MAGI2: variants seen among roughly 807,000 people sequenced by gnomAD.
MAGI2 encodes membrane-associated guanylate kinase, WW and PDZ domain-containing protein 2.
A neutral mutation model predicts 133.3 loss-of-function variants in MAGI2; 35 were observed. The ratio of observed to expected loss-of-function variants is 0.26; its 90% CI spans 0.20 to 0.35. The LOEUF is 0.35. Ranked by LOEUF, MAGI2 falls within the 10% of genes least tolerant of loss-of-function variation. The pLI is 1.00. For missense variants in MAGI2, 1,636 were observed against 1,863.4 expected (o/e 0.88, Z 2.25); for synonymous variants, 729 against 710.6 (o/e 1.03, Z -0.41).
intron 20 of MAGI2, among the ~76,000 whole-genome samples, chr7:78,085,545 A>G (rs1183737326): frequency 2.1e-5 from 2 of 94,022 alleles, no homozygotes; most frequent in East Asian, 3.7e-4. Flanking sequence ...AAAATAATAA[A>G]ACTCCCACAC....
intron 2 of MAGI2, chr7:78,902,600 T>G (rs770524282): frequency 7.2e-5 from 11 of 152,314 alleles, no homozygotes; most frequent in Non-Finnish European, 8.8e-5. Flanking sequence ...ACAATTCATA[T>G]CCACATGAGA....
intron 1 of MAGI2, among the ~76,000 whole-genome samples, chr7:79,071,113 C>A (rs1241983096): frequency 6.6e-6 from 1 of 152,136 alleles, no homozygotes; most frequent in Admixed American, 6.6e-5. Context: ...TGTTGGTGAC[C>A]TTTGGATGGG....
chr7:78,909,580 G>A (rs908004200), intron 2 of MAGI2, among the ~76,000 whole-genome samples: 2 of 142,036 alleles, frequency 1.4e-5, no homozygotes, highest in African/African-American at 5.3e-5. Flanking sequence ...TCCAGCCTGG[G>A]CTACAGAGTG....
intron 6 of MAGI2, among the ~76,000 whole-genome samples, chr7:78,393,810 T>A (rs1363037120): frequency 6.6e-6 from 1 of 152,134 alleles, no homozygotes; most frequent in African/African-American, 2.4e-5. Flanking sequence ...AAACAAAATA[T>A]TTGCAAGTAT....
intron 2 of MAGI2, among the ~76,000 whole-genome samples, chr7:78,988,516 A>T (rs571003524): frequency 6.6e-6 from 1 of 152,226 alleles, no homozygotes; most frequent in East Asian, 1.9e-4. Context: ...ATCTGAAAAC[A>T]TGCTCACTCT....
At chr7:79,058,228 T>A (rs373708436) in intron 1 of MAGI2, among the ~76,000 whole-genome samples, 1 of 152,068 alleles carries the variant, frequency 6.6e-6, no homozygotes, top group African/African-American at 2.4e-5. Context: ...ATTAGTTCAA[T>A]TTTTTTCTAT....
chr7:78,825,807 T>C (rs1187846212), intron 2 of MAGI2, among the ~76,000 whole-genome samples: 1 of 152,144 alleles, frequency 6.6e-6, no homozygotes, highest in Non-Finnish European at 1.5e-5. Flanking sequence ...TGGCCACTGG[T>C]CACCTTGTTT....
At chr7:79,448,654 C>T (rs1849025325) in intron 1 of MAGI2, among the ~76,000 whole-genome samples, 1 of 152,078 alleles carries the variant, frequency 6.6e-6, no homozygotes, top group South Asian at 2.1e-4. Context: ...TCTACCCCAC[C>T]TTCTGAGGAA....
At chr7:78,259,230 C>T (rs1415212999) in intron 9 of MAGI2, among the ~76,000 whole-genome samples, 1 of 151,914 alleles carries the variant, frequency 6.6e-6, no homozygotes, top group East Asian at 1.9e-4. Flanking sequence ...TTTTTTATGT[C>T]TACTTTCATT....
intron 14 of MAGI2, among the ~76,000 whole-genome samples, chr7:78,174,136 G>T (rs541640936): frequency 6.6e-6 from 1 of 152,300 alleles, no homozygotes; most frequent in Admixed American, 6.5e-5. Context: ...TCAGGTGACA[G>T]TTTTGACTTG....
intron 2 of MAGI2, among the ~76,000 whole-genome samples, chr7:78,645,640 GGTGTGTGTGTGTGT>G (rs59287974): frequency 3.4e-5 from 5 of 147,450 alleles, no homozygotes; most frequent in African/African-American, 1.0e-4. Context: ...ATATAAGTGT[GGTGTGTGTGTGTGT>G]GTGTGTGTGT....
chr7:78,420,296 C>T (rs975061976), intron 6 of MAGI2, among the ~76,000 whole-genome samples: 1 of 152,098 alleles, frequency 6.6e-6, no homozygotes, highest in Non-Finnish European at 1.5e-5. Flanking sequence ...AAGTGAAGAA[C>T]AAGAAGTAAA....
At chr7:79,263,555 G>A (rs757774472) in intron 1 of MAGI2, among the ~76,000 whole-genome samples, 2 of 152,016 alleles carry the variant, frequency 1.3e-5, no homozygotes, top group Non-Finnish European at 1.5e-5. Flanking sequence ...ATCACCAAAC[G>A]CAAATTCTCC....
At chr7:79,391,012 C>T (rs1313108618) in intron 1 of MAGI2, among the ~76,000 whole-genome samples, 1 of 152,040 alleles carries the variant, frequency 6.6e-6, no homozygotes, top group Non-Finnish European at 1.5e-5. Flanking sequence ...GTGAGGAAAG[C>T]GTGGAACTCA....
chr7:79,298,979 T>C (rs1837165105), intron 1 of MAGI2, among the ~76,000 whole-genome samples: 1 of 152,170 alleles, frequency 6.6e-6, no homozygotes, highest in African/African-American at 2.4e-5. Flanking sequence ...ATTTCTGTTG[T>C]ATAAGCCACC....
At chr7:78,397,473 T>C (rs1796460974) in intron 6 of MAGI2, among the ~76,000 whole-genome samples, 2 of 151,982 alleles carry the variant, frequency 1.3e-5, no homozygotes, top group African/African-American at 2.4e-5. Flanking sequence ...GTGACAGGTT[T>C]CTAGGCAAAT....
intron 1 of MAGI2, among the ~76,000 whole-genome samples, chr7:79,125,977 C>CA (rs1353431097): frequency 1.3e-5 from 2 of 152,028 alleles, no homozygotes; most frequent in African/African-American, 2.4e-5. Context: ...TATGCGTAGG[C>CA]AAAAAAACTT....
chr7:79,182,430 G>A (rs1314630289), intron 1 of MAGI2, among the ~76,000 whole-genome samples: 2 of 151,836 alleles, frequency 1.3e-5, no homozygotes, highest in Admixed American at 1.3e-4. Context: ...TCACCATCAT[G>A]AGAACACTGC....
In MAGI2 at chr7:79,453,274, T is replaced by C. The variant is rs761374439; in HGVS notation, c.47A>G (p.His16Arg). 6 of 1,613,920 alleles carry C rather than the reference T, an allele frequency of 3.7e-6. No individual in the cohort carries two copies. The highest frequency in any genetic ancestry group is 3.4e-6 in the Non-Finnish European group (4 of 1,180,012). The part of the protein sequence containing the change: ...KKKSHWTSKV[H>R]ESVIGRNPEG... ...CGGGTTCCTGCCAATGACACTCTCATGGACTTTGCTAGTCCAGTGGCTTTT... is the reference window on the plus strand; with the variant it reads ...CGGGTTCCTGCCAATGACACTCTCACGGACTTTGCTAGTCCAGTGGCTTTT... Residue 16 changes from histidine (H) to arginine (R), a missense_variant, in exon 1 of 22, where the codon CAT (histidine) becomes CGT (arginine). Physicochemically the swap from His to Arg is conservative, Grantham distance 29. This residue lies in a region of MAGI2 where 148 missense variants were observed against 239.0 expected (regional missense o/e 0.62). Transcript: ENST00000354212.
Sources: allele counts gnomAD v4.1 joint callset (sites outside exome capture counted in the v4.1 genomes callset), GRCh38; gene constraint gnomAD v4.1.1; regional missense constraint gnomAD v4.1.1; transcripts MANE v1.5; gene names NCBI Gene and HGNC (gene_info 2026-07-23, HGNC 2026-07-21).